The following CNIH3 variants were observed in gnomAD, a reference collection of about 807,000 sequenced individuals.
CNIH3 encodes the protein cornichon family AMPA receptor auxiliary protein 3.
Under a neutral mutation model 24.1 loss-of-function variants are expected in CNIH3, and 14 were observed. The ratio of observed to expected loss-of-function variants is 0.58; its 90% confidence interval spans 0.38 to 0.91. The LOEUF (loss-of-function observed/expected upper bound fraction) is 0.91. CNIH3 is among the 40% of genes least tolerant of loss of function. CNIH3 has a pLI of 0.00. For synonymous variants in CNIH3, 68 were observed against 73.8 expected (o/e 0.92, Z 0.40); for missense variants, 178 against 196.8 (o/e 0.90, Z 0.57).
rs151085871 is a variant in CNIH3, at chr1:224,684,014, T to C, written c.151-782T>C. Among the ~76,000 whole-genome samples, 15 of 152,368 alleles carry C rather than the reference T, an allele frequency of 9.8e-5. No individual in the cohort carries two copies. Among genetic ancestry groups the C allele is most frequent in the African/African-American group, 3.6e-4 (15 of 41,594 alleles). ...CAGCCACCTGTCCTTTCCAGAGCCA[T>C]GAGGAATCTCATTACCATTCCATCT... On this transcript the variant is annotated intron_variant, in intron 2 of 5. Transcript: ENST00000272133. This position sits in a 1 kb window ranked among gnomAD's most constrained non-coding sequence, Gnocchi z 4.2.
At chr1:224,663,766 C>T (rs1402709265) in intron 1 of CNIH3, among the ~76,000 whole-genome samples, 1 of 152,174 alleles carries the variant, frequency 6.6e-6, no homozygotes, top group Non-Finnish European at 1.5e-5. Context: ...ATTTCAAAGG[C>T]TGTTCTTCAT....
rs184687535 is a variant in CNIH3, at chr1:224,477,882, C to T, written n.204-37859C>T. Among the ~76,000 whole-genome samples, 461 of 152,186 alleles carry T rather than the reference C, an allele frequency of 3.0e-3. 1 individual carries two copies. The highest frequency in any genetic ancestry group is 0.01 in the African/African-American group (427 of 41,530). Reference sequence around the variant, plus strand: ...ATGAAATCCCTTAGTTTTTGTTTGTCTGGGAAAGTCTTTATTTCTCCTTTA... The same window carrying T: ...ATGAAATCCCTTAGTTTTTGTTTGTTTGGGAAAGTCTTTATTTCTCCTTTA... On this transcript the variant is annotated intron_variant and non_coding_transcript_variant, in intron 1 of 5. Coordinates refer to the CNIH3 transcript ENST00000471578.
At chr1:224,709,084 G>A (rs766702254) in intron 3 of CNIH3, among the ~76,000 whole-genome samples, 3 of 152,148 alleles carry the variant, frequency 2.0e-5, no homozygotes, top group Non-Finnish European at 4.4e-5. Flanking sequence ...GATCACTTCC[G>A]TGACCACCAC....
At chr1:224,614,928 G>T (rs1682875527), upstream of CNIH3, among the ~76,000 whole-genome samples, 1 of 145,568 alleles carries the variant, frequency 6.9e-6, no homozygotes, top group African/African-American at 2.5e-5. Flanking sequence ...GACAAAGTGA[G>T]ACTCCGTCAA....
chr1:224,687,177 C>A (rs1202751798), intron 3 of CNIH3, among the ~76,000 whole-genome samples: 2 of 152,226 alleles, frequency 1.3e-5, no homozygotes, highest in Non-Finnish European at 2.9e-5. Context: ...GGGAGTAGCA[C>A]TGGAGTGGCC....
At chr1:224,612,935 T>C (rs148082178), upstream of CNIH3, among the ~76,000 whole-genome samples, 7 of 152,222 alleles carry the variant, frequency 4.6e-5, no homozygotes, top group East Asian at 1.4e-3. The surrounding 1 kb of genome is among the most constrained non-coding windows in gnomAD (Gnocchi z 4.7). Context: ...TACACCAGGA[T>C]TGTGTTGGTG....
exon 1 of CNIH3, chr1:224,434,769 GTT>G (rs1674565588): frequency 6.1e-6 from 6 of 986,452 alleles, no homozygotes; most frequent in Non-Finnish European, 7.2e-6. Flanking sequence ...TCCCTGGTGT[GTT>G]GATTCTTCCC....
In CNIH3 at chr1:224,611,298, A is replaced by G. The variant is rs541502094; in HGVS notation, n.402+45034A>G. 2.0e-5 allele frequency: 3 copies of G among 152,372 alleles called. No homozygotes were observed. The East Asian group carries it at 5.8e-4, about 29-fold the overall frequency. 9.4% of individuals were successfully genotyped at this position (152,372 alleles called of 1,614,324 possible). A position where few individuals can be genotyped will look rare whatever the true frequency, so the allele number is the denominator to read the frequency against. On this transcript the variant is annotated intron_variant and non_coding_transcript_variant, in intron 3 of 7. Transcript: ENST00000478120. ...CTGCTACACTAGCCATAAACTGATT[A>G]TCTCAATTTCCTGTCATACCAGGAT... is the stretch of plus-strand genomic sequence containing the variant.
chr1:224,720,137 A>G (rs1488195929), intron 3 of CNIH3, among the ~76,000 whole-genome samples: 2 of 152,086 alleles, frequency 1.3e-5, no homozygotes, highest in Non-Finnish European at 2.9e-5. Context: ...GAATGCCAGA[A>G]CTTCCCATTC....
At chr1:224,564,692 G>A (rs1680509134) in intron 3 of CNIH3, among the ~76,000 whole-genome samples, 2 of 152,264 alleles carry the variant, frequency 1.3e-5, no homozygotes, top group Admixed American at 1.3e-4. Flanking sequence ...GTGAGCCTCA[G>A]GCCCTTCCTT....
At chr1:224,588,840 G>A (rs552634875), downstream of CNIH3, among the ~76,000 whole-genome samples, 54 of 144,270 alleles carry the variant, frequency 3.7e-4, no homozygotes, top group Non-Finnish European at 6.8e-4. Context: ...TGGATAATAA[G>A]GACCAGCTTC....
At chr1:224,577,571 G>C (rs1336463750) in intron 4 of CNIH3, among the ~76,000 whole-genome samples, 4 of 152,056 alleles carry the variant, frequency 2.6e-5, no homozygotes, top group African/African-American at 9.7e-5. Flanking sequence ...ACAGATATTG[G>C]CATGGATGTG....
At position 224,684,500 on chromosome 1, in the gene CNIH3, A is replaced by G. The variant is rs987381003; in HGVS notation, c.151-296A>G. The stretch of plus-strand genomic sequence containing the variant: ...CCACCTTATACGTACATGGAGGCTG[A>G]GAGAGACTTTGTAGATAAAGGAACA... On this transcript the variant is annotated intron_variant, in intron 2 of 5. Transcript: ENST00000272133. This position sits in a 1 kb window ranked among gnomAD's most constrained non-coding sequence, Gnocchi z 4.2. Among the ~76,000 whole-genome samples, 41 of 152,214 alleles carry G rather than the reference A, an allele frequency of 2.7e-4. No individual in the cohort carries two copies. The highest frequency in any genetic ancestry group is 8.4e-4 in the African/African-American group (35 of 41,452).
At chr1:224,473,941 A>C (rs113577677) in intron 1 of CNIH3, among the ~76,000 whole-genome samples, 174 of 152,338 alleles carry the variant, frequency 1.1e-3, no homozygotes, top group African/African-American at 4.1e-3. Flanking sequence ...AATAATATCA[A>C]ATATCTTCTC....
exon 6 of CNIH3, chr1:224,588,483 A>G (rs1193201541): frequency 1.3e-5 from 2 of 152,112 alleles, no homozygotes; most frequent in Non-Finnish European, 2.9e-5. Flanking sequence ...CCCATTTAAG[A>G]TCTTTCCAAG....
intron 3 of CNIH3, among the ~76,000 whole-genome samples, chr1:224,593,708 TAA>T (rs776704270): frequency 2.0e-5 from 3 of 152,130 alleles, no homozygotes; most frequent in African/African-American, 4.8e-5. Context: ...AAAATAAAAA[TAA>T]AACAATGTCA....
intron 1 of CNIH3, among the ~76,000 whole-genome samples, chr1:224,473,739 C>T (rs1490843076): frequency 3.3e-5 from 5 of 152,142 alleles, no homozygotes; most frequent in Admixed American, 3.3e-4. Context: ...GGCACATCTC[C>T]TAGACAGAAA....
At chr1:224,435,851 A>G (rs2102935591) in intron 1 of CNIH3, 1 of 152,164 alleles carries the variant, frequency 6.6e-6, no homozygotes, top group East Asian at 1.9e-4. Flanking sequence ...ATGTATAAAG[A>G]TTTTCTCAGA....
chr1:224,496,348 C>T (rs1677438395), intron 1 of CNIH3, among the ~76,000 whole-genome samples: 2 of 152,322 alleles, frequency 1.3e-5, no homozygotes, highest in South Asian at 4.1e-4. Context: ...CAGATGTCAA[C>T]TCCAGTCCAT....
Sources: gnomAD v4.1 joint callset for allele counts (sites outside exome capture counted in the v4.1 genomes callset) on GRCh38, gnomAD v4.1.1 for gene constraint, Gnocchi (gnomAD v3.1) non-coding constraint, MANE v1.5 for transcripts, NCBI Gene and HGNC (gene_info 2026-07-23, HGNC 2026-07-21) for gene names.